Variants in CDH2 observed in about 807,000 individuals in gnomAD.
CDH2 encodes the protein cadherin 2.
Under a neutral mutation model 92.0 loss-of-function variants are expected in CDH2, and 17 were observed. The ratio of observed to expected loss-of-function variants is 0.18; its 90% CI spans 0.13 to 0.28. CDH2 has a LOEUF of 0.28. Ranked by LOEUF, CDH2 falls within the 10% of genes least tolerant of loss-of-function variation. The pLI, the probability that CDH2 is intolerant of heterozygous loss-of-function variation, is 1.00. For missense variants in CDH2, 862 were observed against 1,133.1 expected (o/e 0.76, Z 3.44); for synonymous variants, 419 against 415.9 (o/e 1.01, Z -0.09).
intron 2 of CDH2, among the ~76,000 whole-genome samples, chr18:28,121,079 T>C (rs947157262): frequency 1.3e-5 from 2 of 152,160 alleles, no homozygotes; most frequent in Non-Finnish European, 2.9e-5. Context: ...TCACATTAAG[T>C]ATCCAGTGCT....
chr18:28,112,925 G>C (rs2015435716), intron 2 of CDH2, among the ~76,000 whole-genome samples: 1 of 152,090 alleles, frequency 6.6e-6, no homozygotes, highest in Non-Finnish European at 1.5e-5. Flanking sequence ...GAATCAAAGA[G>C]GCCAAATCTG....
At chr18:28,030,613 G>A (rs1382092920) in intron 2 of CDH2, among the ~76,000 whole-genome samples, 1 of 152,070 alleles carries the variant, frequency 6.6e-6, no homozygotes, top group Non-Finnish European at 1.5e-5. Flanking sequence ...ACAAGTGGAA[G>A]TTCAGCCTTT....
chr18:28,034,836 A>C (rs2013786667), intron 2 of CDH2, among the ~76,000 whole-genome samples: 1 of 152,086 alleles, frequency 6.6e-6, no homozygotes, highest in Non-Finnish European at 1.5e-5. Context: ...AAGTTCAAAC[A>C]ATACTACCCG....
At chr18:27,959,299 G>A (rs1201317083) in intron 15 of CDH2, among the ~76,000 whole-genome samples, 1 of 152,106 alleles carries the variant, frequency 6.6e-6, no homozygotes, top group Non-Finnish European at 1.5e-5. Context: ...GAGATTCAAG[G>A]CAACATTCAT....
At chr18:28,072,549 T>A (rs1323262196) in intron 2 of CDH2, among the ~76,000 whole-genome samples, 1 of 152,142 alleles carries the variant, frequency 6.6e-6, no homozygotes, top group African/African-American at 2.4e-5. Flanking sequence ...TGTTAAACAC[T>A]TGTATCCTCT....
At chr18:27,993,660 A>G in intron 7 of CDH2, 23 bp from the exon 8 acceptor site, 1 of 1,549,016 alleles carries the variant, frequency 6.5e-7, no homozygotes, top group Non-Finnish European at 8.9e-7. Context: ...AAAGATAAGA[A>G]CTTAAATGAA....
chr18:28,131,045 A>T (rs1450328815), intron 2 of CDH2, among the ~76,000 whole-genome samples: 2 of 152,162 alleles, frequency 1.3e-5, no homozygotes, highest in Non-Finnish European at 2.9e-5. Context: ...TAACCAATAA[A>T]CAGTTCCAAA....
At chr18:28,044,083 T>G (rs2014020808) in intron 2 of CDH2, among the ~76,000 whole-genome samples, 2 of 151,892 alleles carry the variant, frequency 1.3e-5, no homozygotes, top group South Asian at 4.2e-4. Context: ...CAGCTGATTT[T>G]TATATTTTTA....
At chr18:28,164,588 G>T (rs1478875457) in intron 1 of CDH2, among the ~76,000 whole-genome samples, 1 of 152,046 alleles carries the variant, frequency 6.6e-6, no homozygotes, top group Non-Finnish European at 1.5e-5. Flanking sequence ...CCTCTACAGG[G>T]TTGTCATCAT....
At chr18:28,029,919 T>C (rs1373097560) in intron 2 of CDH2, among the ~76,000 whole-genome samples, 1 of 152,164 alleles carries the variant, frequency 6.6e-6, no homozygotes, top group Non-Finnish European at 1.5e-5. Flanking sequence ...TGTGTAAATA[T>C]ATAAACATGT....
intron 2 of CDH2, among the ~76,000 whole-genome samples, chr18:28,097,746 C>T (rs2015160640): frequency 6.6e-6 from 1 of 152,080 alleles, no homozygotes. Flanking sequence ...GGAACCAATC[C>T]TCTGAGAATA....
chr18:28,007,165 A>AAAAAATATATATAT (rs1172779200), intron 5 of CDH2, among the ~76,000 whole-genome samples: 10 of 110,458 alleles, frequency 9.1e-5, no homozygotes, highest in African/African-American at 4.0e-4. Context: ...ATAAAAAAAA[A>AAAAAATATATATAT]ATATATATAT....
At chr18:28,021,138 C>A (rs1215128447) in intron 2 of CDH2, among the ~76,000 whole-genome samples, 1 of 151,748 alleles carries the variant, frequency 6.6e-6, no homozygotes, top group East Asian at 1.9e-4. Flanking sequence ...ATAATATAAT[C>A]GAATCAATAC....
chr18:28,008,413 G>T (rs1456526662), intron 5 of CDH2, among the ~76,000 whole-genome samples: 1 of 152,130 alleles, frequency 6.6e-6, no homozygotes, highest in Non-Finnish European at 1.5e-5. Context: ...GGAAGAGAAA[G>T]TATAGAGCAA....
intron 6 of CDH2, among the ~76,000 whole-genome samples, chr18:27,936,454 A>G (rs1370108133): frequency 9.2e-5 from 14 of 152,198 alleles, no homozygotes; most frequent in Admixed American, 9.2e-4. Context: ...ATTCCTTTTA[A>G]TAAGTAAAAC....
At chr18:28,101,371 C>T (rs966086472) in intron 2 of CDH2, among the ~76,000 whole-genome samples, 3 of 152,134 alleles carry the variant, frequency 2.0e-5, no homozygotes, top group Admixed American at 6.6e-5. Flanking sequence ...ATTTATATGA[C>T]TCTCCTGACT....
At chr18:28,093,391 A>C (rs2015070894) in intron 2 of CDH2, among the ~76,000 whole-genome samples, 2 of 152,288 alleles carry the variant, frequency 1.3e-5, no homozygotes, top group South Asian at 4.1e-4. Context: ...TCCATGTAAT[A>C]AAGGAATAAG....
At chr18:28,115,862 T>C (rs1599111866) in intron 2 of CDH2, among the ~76,000 whole-genome samples, 1 of 152,178 alleles carries the variant, frequency 6.6e-6, no homozygotes, top group East Asian at 1.9e-4. Flanking sequence ...TCAGTAAATC[T>C]CATGAAGTTT....
intron 7 of CDH2, among the ~76,000 whole-genome samples, chr18:28,000,229 A>G (rs2012722661): frequency 6.6e-6 from 1 of 151,978 alleles, no homozygotes; most frequent in South Asian, 2.1e-4. Flanking sequence ...CAGCCTCCCA[A>G]GTGGCTGGGA....
Sources: allele counts gnomAD v4.1 joint callset (sites outside exome capture counted in the v4.1 genomes callset), GRCh38; gene constraint gnomAD v4.1.1; transcripts MANE v1.5; gene names NCBI Gene and HGNC (gene_info 2026-07-23, HGNC 2026-07-21).